ULBP1: variants seen among roughly 807,000 people sequenced by gnomAD.
ULBP1 encodes the protein UL16-binding protein 1.
ULBP1 carries 28 observed loss-of-function variants against 25.3 expected under a neutral mutation model. The ratio of observed to expected loss-of-function variants is 1.10; its 90% CI spans 0.82 to 1.51. The LOEUF is 1.51. ULBP1 is among the 40% of genes most tolerant of loss of function. ULBP1 has a pLI of 0.00. For synonymous variants in ULBP1, 129 were observed against 103.0 expected, an observed-to-expected ratio of 1.25 and a Z score of -1.53; for missense variants, 348 against 290.9, an observed-to-expected ratio of 1.20 and a Z score of -1.43.
intron 3 of ULBP1, 66 bp from the exon 4 acceptor site, chr6:149,969,950 C>A (rs1779283911): frequency 6.5e-7 from 1 of 1,543,476 alleles, no homozygotes; most frequent in East Asian, 2.4e-5. Flanking sequence ...GTGGCAGGAG[C>A]TGAGGAGACA....
At chr6:149,969,723 C>G (rs920533065) in intron 3 of ULBP1, among the ~76,000 whole-genome samples, 2 of 152,206 alleles carry the variant, frequency 1.3e-5, no homozygotes, top group African/African-American at 4.8e-5. Context: ...CCTCCAATGC[C>G]AGGGCCTGAG....
intron 1 of ULBP1, among the ~76,000 whole-genome samples, chr6:149,967,504 A>G (rs966221299): frequency 5.3e-5 from 8 of 152,158 alleles, no homozygotes; most frequent in African/African-American, 1.9e-4. Flanking sequence ...GTTATTTCCT[A>G]GGGTGACTCC....
chr6:149,972,083 T>A lies in ULBP1; in HGVS notation c.*737T>A, dbSNP rs575459563. On this transcript the variant is annotated 3_prime_UTR_variant, in exon 5 of 5. Transcript: ENST00000229708. ...CAATGCTACCACCTTGGCCTCCCAATGCTCTGGGATTACAGACATGAACCA... is the reference window on the plus strand; with the variant it reads ...CAATGCTACCACCTTGGCCTCCCAAAGCTCTGGGATTACAGACATGAACCA... The A allele has an allele frequency of 6.6e-6, 1 of 152,188 alleles. No homozygotes were observed. Among genetic ancestry groups the A allele is most frequent in the Non-Finnish European group, 1.5e-5 (1 of 68,036 alleles). 9.4% of individuals were successfully genotyped at this position (152,188 alleles called of 1,614,324 possible).
At position 149,968,506 on chromosome 6, in the gene ULBP1, G is replaced by T. The variant is rs771345525; in HGVS notation, c.86-101G>T. The T allele has an allele frequency of 3.4e-6, 5 of 1,473,154 alleles. No homozygotes were observed. The African/African-American group carries it at 7.1e-5, about 21-fold the overall frequency. The allele number at this position is 1,473,154 out of a possible 1,614,324, so 91.3% of individuals were successfully genotyped here. ...GGGCATGTCTTGGTCTGCCAGCCCA[G>T]CCCCTCAGAGGCCTTCACTTGCAGT... is the stretch of plus-strand genomic sequence containing the variant. On this transcript the variant is annotated intron_variant, in intron 1 of 4. Coordinates refer to ENST00000229708, the MANE Select transcript of ULBP1 (RefSeq NM_025218.4).
chr6:149,973,211 G>A lies in ULBP1; in HGVS notation c.*1865G>A, dbSNP rs570887502. The A allele has an allele frequency of 1.3e-5, 2 of 152,338 alleles. No individual in the cohort carries two copies. Among genetic ancestry groups the A allele is most frequent in the South Asian group, 4.1e-4 (2 of 4,824 alleles). The allele number at this position is 152,338 out of a possible 1,614,324, so 9.4% of individuals were successfully genotyped here. ...ATGCAACTAGAGGCTATTATCCTAA[G>A]CAACCTAATGCAAGAACAGAAAACC... On this transcript the variant is annotated 3_prime_UTR_variant, in exon 5 of 5. Transcript: ENST00000229708.
At chr6:149,970,668 C>A (rs1278566920) in intron 4 of ULBP1, among the ~76,000 whole-genome samples, 1 of 152,246 alleles carries the variant, frequency 6.6e-6, no homozygotes, top group Non-Finnish European at 1.5e-5. Context: ...CGGGTCCCAG[C>A]AGTTAAGGTG....
intron 4 of ULBP1, 34 bp from the exon 5 acceptor site, chr6:149,971,335 A>G (rs2114716777): frequency 6.1e-6 from 6 of 985,464 alleles, no homozygotes; most frequent in Non-Finnish European, 7.2e-6. Context: ...GGTTTTTCTC[A>G]GCCACTTAAA....
intron 1 of ULBP1, among the ~76,000 whole-genome samples, chr6:149,967,199 T>C (rs1779218979): frequency 6.6e-6 from 1 of 152,238 alleles, no homozygotes. Flanking sequence ...GGTGTCCATC[T>C]GTTACTTTGC....
At chr6:149,968,090 A>G (rs1190251240) in intron 1 of ULBP1, among the ~76,000 whole-genome samples, 1 of 152,194 alleles carries the variant, frequency 6.6e-6, no homozygotes, top group African/African-American at 2.4e-5. Flanking sequence ...CCAGAAATGC[A>G]TGCTCATAGC....
rs1554270011 is a variant in ULBP1 at position 149,970,022 on chromosome 6, C to T, written c.632C>T (p.Pro211Leu). The stretch of plus-strand genomic sequence containing the variant: ...TCCTGTGTTTCCATTTCAGAACCAC[C>T]CTCTCTGGCCCCAGGCACAACCCAA... ...WEQMLDPTKP[P>L]SLAPGTTQPK... The change falls in exon 4 of 5, where the codon CCC (proline) becomes CTC (leucine). Residue 211 changes from proline (P) to leucine (L), a missense_variant. Transcript: ENST00000229708. The T allele has an allele frequency of 1.2e-6, 2 of 1,611,932 alleles. No homozygotes were observed. The highest frequency in any genetic ancestry group is 2.2e-5 in the South Asian group (2 of 90,440).
In ULBP1 at chr6:149,969,272, C is replaced by T. The variant is rs1779264520; in HGVS notation, c.537C>T (p.Thr179=). 1.9e-6 allele frequency: 3 copies of T among 1,614,226 alleles called. No individual in the cohort carries two copies. The highest frequency in any genetic ancestry group is 2.2e-5 in the South Asian group (2 of 91,082). The change falls in exon 3 of 5, where the codon ACC becomes ACT. Residue 179 remains threonine (T), a synonymous_variant. Transcript: ENST00000229708. ...TEKWEKNRDV[T]MFFQKISLGD... is the part of the protein sequence containing the mutation. ...AGTGGGAGAAGAACAGGGATGTGAC[C>T]ATGTTCTTCCAGAAGATTTCACTGG...
At chr6:149,966,698 C>A (rs892214280) in intron 1 of ULBP1, among the ~76,000 whole-genome samples, 10 of 152,066 alleles carry the variant, frequency 6.6e-5, no homozygotes, top group Non-Finnish European at 1.2e-4. Context: ...GGTGAGGAGC[C>A]CACCCTGTGA....
chr6:149,969,271 C>A lies in ULBP1; in HGVS notation c.536C>A (p.Thr179Asn), dbSNP rs368078264. 8.1e-6 allele frequency: 13 copies of A among 1,614,108 alleles called. No homozygotes were observed. The highest frequency in any genetic ancestry group is 1.1e-5 in the South Asian group (1 of 91,082). ...AAGTGGGAGAAGAACAGGGATGTGACCATGTTCTTCCAGAAGATTTCACTG... is the reference window on the plus strand; with the variant it reads ...AAGTGGGAGAAGAACAGGGATGTGAACATGTTCTTCCAGAAGATTTCACTG... ...TEKWEKNRDV[T>N]MFFQKISLGD... Residue 179 changes from threonine to asparagine, a missense_variant, in exon 3 of 5, where the codon ACC becomes AAC. Physicochemically the swap from Thr to Asn is moderately conservative, Grantham distance 65. Transcript: ENST00000229708.
At chr6:149,969,032 G>T in intron 2 of ULBP1, 53 bp from the exon 3 acceptor site, 1 of 1,591,950 alleles carries the variant, frequency 6.3e-7, no homozygotes, top group Non-Finnish European at 8.6e-7. Context: ...AAGGAAGCAG[G>T]GTGGGGCTCA....
chr6:149,969,988 G>T (rs1323527681), intron 3 of ULBP1, 28 bp from the exon 4 acceptor site: 3 of 1,594,092 alleles, frequency 1.9e-6, no homozygotes, highest in East Asian at 4.5e-5. Context: ...CCTGGACAAG[G>T]GTTGTCACTC....
rs764188141 is a variant in ULBP1 at position 149,970,030 on chromosome 6, G to A, written c.640G>A (p.Ala214Thr). 11 of 1,612,586 alleles carry A rather than the reference G, an allele frequency of 6.8e-6. No individual in the cohort carries two copies. The Admixed American group carries it at 1.0e-4, about 15-fold the overall frequency. ...TTCCATTTCAGAACCACCCTCTCTG[G>A]CCCCAGGCACAACCCAACCCAAGGC... ...MLDPTKPPSL[A>T]PGTTQPKAMA... The change falls in exon 4 of 5, where the codon GCC becomes ACC. Residue 214 changes from alanine (A) to threonine (T), a missense_variant. Physicochemically the swap from Ala to Thr is moderately conservative, Grantham distance 58. Transcript: ENST00000229708.
At chr6:149,964,910 C>G (rs1217490981) in intron 1 of ULBP1, among the ~76,000 whole-genome samples, 1 of 140,812 alleles carries the variant, frequency 7.1e-6, no homozygotes, top group African/African-American at 2.6e-5. Flanking sequence ...GCCGTCTCCC[C>G]GTACATTGCG....
chr6:149,971,028 C>G (rs377299162), intron 4 of ULBP1, among the ~76,000 whole-genome samples: 6 of 152,204 alleles, frequency 3.9e-5, no homozygotes, highest in African/African-American at 1.2e-4. Context: ...GGCCAGGGAA[C>G]GTGGATAGAA....
rs61747515 is a variant in ULBP1, at chr6:149,970,033, C to A, written c.643C>A (p.Pro215Thr). The A allele has an allele frequency of 1.2e-6, 2 of 1,612,882 alleles. No individual in the cohort carries two copies. Among genetic ancestry groups the A allele is most frequent in the African/African-American group, 2.7e-5 (2 of 74,922 alleles). The change falls in exon 4 of 5, where the codon CCA (proline) becomes ACA (threonine). Residue 215 changes from proline (P) to threonine (T), a missense_variant. By Grantham distance (38) the Pro-to-Thr change is conservative. Coordinates refer to ENST00000229708, the MANE Select transcript of ULBP1 (RefSeq NM_025218.4). ...CATTTCAGAACCACCCTCTCTGGCC[C>A]CAGGCACAACCCAACCCAAGGCCAT... ...LDPTKPPSLA[P>T]GTTQPKAMAT...
Sources: gnomAD v4.1 joint callset for allele counts (sites outside exome capture counted in the v4.1 genomes callset) on GRCh38, gnomAD v4.1.1 for gene constraint, MANE v1.5 for transcripts, NCBI Gene and HGNC (gene_info 2026-07-23, HGNC 2026-07-21) for gene names.